PFKFB3: variants seen among roughly 807,000 people sequenced by gnomAD.
PFKFB3 encodes the protein 6-phosphofructo-2-kinase/fructose-2,6-biphosphatase 3, also known as 6-phosphofructo-2-kinase/fructose-2,6-bisphosphatase 3.
Under a neutral mutation model 68.0 loss-of-function variants are expected in PFKFB3, and 33 were observed. That is an observed-to-expected ratio of 0.49 (90% confidence interval 0.37 to 0.65). The LOEUF (loss-of-function observed/expected upper bound fraction) is 0.65. PFKFB3 is among the 30% of genes least tolerant of loss of function. The pLI, the probability that PFKFB3 is intolerant of heterozygous loss-of-function variation, is 0.00. For missense variants in PFKFB3, 586 were observed against 712.2 expected (o/e 0.82, Z 2.02); for synonymous variants, 315 against 288.2 (o/e 1.09, Z -0.94).
chr10:6,260,351 T>C, the PFKFB3 span, among the ~76,000 whole-genome samples: 2 of 145,506 alleles, frequency 1.4e-5, no homozygotes, highest in African/African-American at 5.1e-5. Flanking sequence ...GAGGCAGAGA[T>C]TGCAGTGAGC....
chr10:6,198,469 A>G (rs1843234426), upstream of PFKFB3, among the ~76,000 whole-genome samples: 1 of 152,104 alleles, frequency 6.6e-6, no homozygotes, highest in Admixed American at 6.5e-5. Context: ...AGAAAAATAT[A>G]TGATATTTGT....
chr10:6,213,593 A>ATGACACACCCTTCTTGCTTGT, intron 1 of PFKFB3, 30 bp from the exon 2 acceptor site: 1 of 1,601,416 alleles, frequency 6.2e-7, no homozygotes, highest in Non-Finnish European at 8.5e-7. Flanking sequence ...CACTTGGTTG[A>ATGACACACCCTTCTTGCTTGT]TGACACACCC....
intron 1 of PFKFB3, among the ~76,000 whole-genome samples, chr10:6,193,916 A>G (rs1357508403): frequency 6.6e-6 from 1 of 152,240 alleles, no homozygotes; most frequent in Non-Finnish European, 1.5e-5. Context: ...TCATCAGTTA[A>G]GTCGATTTTC....
rs1165641714 is a variant in PFKFB3, at chr10:6,203,107, C to T, written c.-154C>T. The T allele has an allele frequency of 6.8e-7, 1 of 1,470,442 alleles. No individual in the cohort carries two copies. Among genetic ancestry groups the T allele is most frequent in the Non-Finnish European group, 9.0e-7 (1 of 1,114,764 alleles). The allele number at this position is 1,470,442 out of a possible 1,614,324, so 91.1% of individuals were successfully genotyped here. A position where few individuals can be genotyped will look rare whatever the true frequency, so the allele number is the denominator to read the frequency against. The stretch of plus-strand genomic sequence containing the variant: ...CACAGGCGAGGGTCCGGAACTTAGC[C>T]CAAAGCACGTTTCCCCTGGCAGCGC... On this transcript the variant is annotated 5_prime_UTR_variant, in exon 1 of 15. Coordinates refer to ENST00000379775, the MANE Select transcript of PFKFB3 (RefSeq NM_004566.4).
At chr10:6,287,140 GC>G in the PFKFB3 span, among the ~76,000 whole-genome samples, 47 of 152,268 alleles carry the variant, frequency 3.1e-4, no homozygotes, top group Admixed American at 9.2e-4. Flanking sequence ...AGGCCACAGT[GC>G]AGTGGTGCAA....
the PFKFB3 span, among the ~76,000 whole-genome samples, chr10:6,285,895 T>A: frequency 6.6e-6 from 1 of 152,214 alleles, no homozygotes; most frequent in African/African-American, 2.4e-5. Flanking sequence ...TTTCTTCTTT[T>A]TTAAGACTGA....
the PFKFB3 span, chr10:6,293,809 T>C: frequency 2.5e-6 from 1 of 406,604 alleles, no homozygotes; most frequent in African/African-American, 2.1e-5. Flanking sequence ...TGCACAGTTT[T>C]CACCATTGAT....
chr10:6,208,250 A>G (rs1843922073), intron 1 of PFKFB3, among the ~76,000 whole-genome samples: 1 of 150,676 alleles, frequency 6.6e-6, no homozygotes, highest in Non-Finnish European at 1.5e-5. Context: ...TTTTAAAAAT[A>G]TTTTTGCACA....
chr10:6,217,158 C>A lies in PFKFB3; in HGVS notation c.465C>A (p.Cys155Ter). 6.2e-7 allele frequency: 1 copy of A among 1,614,112 alleles called. No individual in the cohort carries two copies. The highest frequency in any genetic ancestry group is 8.5e-7 in the Non-Finnish European group (1 of 1,179,970). ...DFKAFFIESVCDDPTVVASNI... is the reference protein window; with the variant it reads ...DFKAFFIESV Reference sequence around the variant, plus strand: ...AGGCGTTTTTCATCGAGTCGGTGTGCGACGACCCTACAGTTGTGGCCTCCA... The same window carrying A: ...AGGCGTTTTTCATCGAGTCGGTGTGAGACGACCCTACAGTTGTGGCCTCCA... The change falls in exon 6 of 15, where the codon TGC (cysteine) becomes TGA (stop). Residue 155 changes from cysteine (C) to a stop codon, truncating the protein, a stop_gained. Transcript: ENST00000379775. LOFTEE classifies it high-confidence loss of function.
chr10:6,201,319 C>CA, upstream of PFKFB3, among the ~76,000 whole-genome samples: 1 of 152,180 alleles, frequency 6.6e-6, no homozygotes, highest in East Asian at 1.9e-4. The surrounding 1 kb of genome is among the most constrained non-coding windows in gnomAD (Gnocchi z 4.1). Context: ...AAAACAAGTC[C>CA]AAATGCAACG....
the PFKFB3 span, among the ~76,000 whole-genome samples, chr10:6,288,197 T>C: frequency 9.9e-5 from 15 of 151,510 alleles, no homozygotes; most frequent in South Asian, 2.1e-4. Context: ...TTCTTTCTTT[T>C]TTTTTTTTTT....
At chr10:6,232,766 G>A (rs1845824061) in intron 14 of PFKFB3, 129 bp from the exon 15 acceptor site, 1 of 764,434 alleles carries the variant, frequency 1.3e-6, no homozygotes, top group Non-Finnish European at 2.2e-6. Context: ...ACCTTTCTTG[G>A]ATCATGTTCT....
At chr10:6,183,742 C>T (rs1259307896) in intron 1 of PFKFB3, among the ~76,000 whole-genome samples, 2 of 149,068 alleles carry the variant, frequency 1.3e-5, no homozygotes, top group Non-Finnish European at 1.5e-5. Flanking sequence ...GGCTGGAGTG[C>T]AGTGGCGTGA....
At chr10:6,241,850 T>TC (rs1846148632) in intron 14 of PFKFB3, among the ~76,000 whole-genome samples, 1 of 151,304 alleles carries the variant, frequency 6.6e-6, no homozygotes, top group East Asian at 1.9e-4. Flanking sequence ...TTCTTTTCTT[T>TC]TTTTTTTTTT....
intron 1 of PFKFB3, among the ~76,000 whole-genome samples, chr10:6,182,434 C>T (rs1303739339): frequency 1.3e-5 from 2 of 152,182 alleles, no homozygotes; most frequent in Non-Finnish European, 2.9e-5. Context: ...GGAAGCGGTC[C>T]TGGTGCTGCC....
chr10:6,152,551 G>A (rs756529938), intron 1 of PFKFB3, among the ~76,000 whole-genome samples: 5 of 152,142 alleles, frequency 3.3e-5, no homozygotes, highest in Admixed American at 6.5e-5. Context: ...GGAGGGCTGC[G>A]GATCTGGTAG....
At position 6,224,087 on chromosome 10, in the gene PFKFB3, G is replaced by C. The variant is rs961823773; in HGVS notation, c.1277-62G>C. ...GCCACAGTAGCTTCTTGTGGCCGTG[G>C]GCTGTAAGCGGTGCTGTCCCTTTAA... On this transcript the variant is annotated intron_variant, in intron 12 of 14. Coordinates refer to ENST00000379775, the MANE Select transcript of PFKFB3 (RefSeq NM_004566.4). 4.3e-6 allele frequency: 7 copies of C among 1,611,664 alleles called. No individual in the cohort carries two copies. In the Admixed American group the frequency reaches 6.7e-5, roughly 15 times the overall value.
exon 15 of PFKFB3, chr10:6,254,544 G>A (rs1383783976): frequency 2.5e-6 from 1 of 394,762 alleles, no homozygotes; most frequent in African/African-American, 2.1e-5. Flanking sequence ...ATGCAAGAGA[G>A]ATACGCATTT....
intron 14 of PFKFB3, among the ~76,000 whole-genome samples, chr10:6,232,488 G>A (rs927449642): frequency 6.6e-6 from 1 of 152,152 alleles, no homozygotes; most frequent in East Asian, 1.9e-4. Flanking sequence ...GAGCTGAGTC[G>A]AGAGGAGGGG....
Sources: gnomAD v4.1 joint callset for allele counts (sites outside exome capture counted in the v4.1 genomes callset) on GRCh38, gnomAD v4.1.1 for gene constraint, Gnocchi (gnomAD v3.1) non-coding constraint, MANE v1.5 for transcripts, NCBI Gene and HGNC (gene_info 2026-07-23, HGNC 2026-07-21) for gene names.